INPP5A: variants seen among roughly 807,000 people sequenced by gnomAD.
INPP5A encodes the protein 43 kDa inositol polyphosphate 5-phophatase.
Under a neutral mutation model 65.2 loss-of-function variants are expected in INPP5A, and 14 were observed. That is an observed-to-expected ratio of 0.21 (90% CI 0.14 to 0.34). INPP5A has a LOEUF of 0.34. Ranked by LOEUF, INPP5A falls within the 10% of genes least tolerant of loss-of-function variation. INPP5A has a pLI of 1.00. For missense variants in INPP5A, 431 were observed against 545.6 expected, an observed-to-expected ratio of 0.79 and a Z score of 2.09; for synonymous variants, 207 against 208.3, an observed-to-expected ratio of 0.99 and a Z score of 0.05.
In INPP5A at chr10:132,560,372, C is replaced by T. The variant is rs956321022; in HGVS notation, c.75+22201C>T. Among the ~76,000 whole-genome samples the T allele has an allele frequency of 7.2e-5, 11 of 152,322 alleles. No homozygotes were observed. The South Asian group carries it at 1.9e-3, about 26-fold the overall frequency. ...TTTCCACAGCAGCTGCAGCATTTTTCGTTCTTGTGAGCAGTGTCTGAGGGC... is the reference window on the plus strand; with the variant it reads ...TTTCCACAGCAGCTGCAGCATTTTTTGTTCTTGTGAGCAGTGTCTGAGGGC... On this transcript the variant is annotated intron_variant, in intron 1 of 15. Coordinates refer to ENST00000368594, the MANE Select transcript of INPP5A (RefSeq NM_005539.5).
Position 132,749,861 on chromosome 10 carries a change from A to C in INPP5A, c.903+16A>C. On this transcript the variant is annotated intron_variant, in intron 11 of 15. Transcript: ENST00000368594. ...CGGCACCGCGGTGAGTTTGTGGTCCAATGTGGCAGCTCCCCCGTCCTGGGA... is the reference window on the plus strand; with the variant it reads ...CGGCACCGCGGTGAGTTTGTGGTCCCATGTGGCAGCTCCCCCGTCCTGGGA... The C allele has an allele frequency of 6.2e-7, 1 of 1,610,282 alleles. No homozygotes were observed. Among genetic ancestry groups the C allele is most frequent in the Non-Finnish European group, 8.5e-7 (1 of 1,177,438 alleles).
chr10:132,583,704 C>T (rs1418600750), intron 1 of INPP5A, among the ~76,000 whole-genome samples: 1 of 152,184 alleles, frequency 6.6e-6, no homozygotes, highest in African/African-American at 2.4e-5. Context: ...ATTTGGCTAA[C>T]TTGGTAAATT....
intron 1 of INPP5A, among the ~76,000 whole-genome samples, chr10:132,565,352 A>T (rs1299226943): frequency 6.6e-6 from 1 of 152,038 alleles, no homozygotes; most frequent in Non-Finnish European, 1.5e-5. Flanking sequence ...GTCACTTTTA[A>T]CCCCATAGTT....
At chr10:132,642,931 T>TGA in intron 2 of INPP5A, among the ~76,000 whole-genome samples, 1 of 152,314 alleles carries the variant, frequency 6.6e-6, no homozygotes, top group Middle Eastern at 3.4e-3. Context: ...TATGTGCTGT[T>TGA]GACGTAGCTG....
chr10:132,611,848 CCGTCAGAGGAGGG>C (rs2071958760), intron 2 of INPP5A, among the ~76,000 whole-genome samples: 1 of 140,082 alleles, frequency 7.1e-6, no homozygotes, highest in African/African-American at 2.7e-5. Flanking sequence ...GGGAGAGGCC[CCGTCAGAGGAGGG>C]TGTGGGAGGT....
chr10:132,548,966 A>C (rs183670699), intron 1 of INPP5A, among the ~76,000 whole-genome samples: 19 of 151,610 alleles, frequency 1.3e-4, no homozygotes, highest in Middle Eastern at 3.4e-3. Flanking sequence ...AGGCTTTTAC[A>C]ATTTTTTGTA....
At chr10:132,746,984 T>G (rs1385221651) in intron 9 of INPP5A, among the ~76,000 whole-genome samples, 1 of 152,204 alleles carries the variant, frequency 6.6e-6, no homozygotes, top group Non-Finnish European at 1.5e-5. Context: ...GGCCCCTTCC[T>G]GGGCTCTGGG....
chr10:132,699,489 C>T (rs894566950), intron 6 of INPP5A, among the ~76,000 whole-genome samples: 3 of 152,214 alleles, frequency 2.0e-5, no homozygotes, highest in Non-Finnish European at 4.4e-5. Flanking sequence ...ACCCATGTGG[C>T]TGCATTGCTG....
At chr10:132,685,137 G>A (rs780411549) in intron 4 of INPP5A, among the ~76,000 whole-genome samples, 2 of 152,338 alleles carry the variant, frequency 1.3e-5, no homozygotes, top group Non-Finnish European at 2.9e-5. Context: ...TGAGATGGGA[G>A]TCACCAAATG....
In INPP5A at chr10:132,551,848, G is replaced by A. The variant is rs563137379; in HGVS notation, c.75+13677G>A. 6.6e-6 allele frequency among the ~76,000 whole-genome samples: 1 copy of A among 152,342 alleles called. No individual in the cohort carries two copies. The highest frequency in any genetic ancestry group is 1.5e-5 in the Non-Finnish European group (1 of 68,032). ...CGGGGTCTTCTCTGAATAGTCGGCTGCACGATTAAACTGGGTTCTGCTCGG... is the reference window on the plus strand; with the variant it reads ...CGGGGTCTTCTCTGAATAGTCGGCTACACGATTAAACTGGGTTCTGCTCGG... On this transcript the variant is annotated intron_variant, in intron 1 of 15. Transcript: ENST00000368594. This position sits in a 1 kb window ranked among gnomAD's most constrained non-coding sequence, Gnocchi z 5.3.
Position 132,551,274 on chromosome 10 carries a change from C to T in INPP5A, c.75+13103C>T, listed in dbSNP as rs565889320. Among the ~76,000 whole-genome samples, 10 of 152,356 alleles carry T rather than the reference C, an allele frequency of 6.6e-5. No individual in the cohort carries two copies. In the South Asian group the frequency reaches 2.1e-3, roughly 32 times the overall value. On this transcript the variant is annotated intron_variant, in intron 1 of 15. Transcript: ENST00000368594. This position sits in a 1 kb window ranked among gnomAD's most constrained non-coding sequence, Gnocchi z 5.3. ...CTTCCTGTGGTCCCTGGCACTCTGA[C>T]CACATGGATGAGCCTGCGAGTGTGA...
chr10:132,742,681 A>C (rs990352980), intron 9 of INPP5A, among the ~76,000 whole-genome samples: 1 of 152,140 alleles, frequency 6.6e-6, no homozygotes, highest in African/African-American at 2.4e-5. Context: ...GTGCCTCCCG[A>C]TGAGTTCGGA....
intron 3 of INPP5A, among the ~76,000 whole-genome samples, chr10:132,647,336 C>T (rs1302401941): frequency 2.0e-5 from 3 of 151,966 alleles, no homozygotes; most frequent in African/African-American, 7.3e-5. Context: ...GCCAGGATGG[C>T]CTCAATCTCC....
intron 2 of INPP5A, among the ~76,000 whole-genome samples, chr10:132,643,516 A>G (rs2133387923): frequency 6.6e-6 from 1 of 152,350 alleles, no homozygotes; most frequent in African/African-American, 2.4e-5. Flanking sequence ...AATTAAATGA[A>G]ATAAAATTAA....
rs1273832123 is a variant in INPP5A at position 132,644,155 on chromosome 10, G to T, written c.118-1713G>T. 6.6e-6 allele frequency among the ~76,000 whole-genome samples: 1 copy of T among 152,212 alleles called. No individual in the cohort carries two copies. Among genetic ancestry groups the T allele is most frequent in the Admixed American group, 6.5e-5 (1 of 15,290 alleles). On this transcript the variant is annotated intron_variant, in intron 2 of 15. Coordinates refer to ENST00000368594, the MANE Select transcript of INPP5A (RefSeq NM_005539.5). This position sits in a 1 kb window ranked among gnomAD's most constrained non-coding sequence, Gnocchi z 6.5. ...GAACCACGTTGGGCCGTCTGTTAGG[G>T]AGAAGTGCACTGCCTGGGCCTGAAG...
intron 1 of INPP5A, among the ~76,000 whole-genome samples, chr10:132,584,568 A>G (rs953241754): frequency 6.6e-6 from 1 of 152,190 alleles, no homozygotes; most frequent in African/African-American, 2.4e-5. Flanking sequence ...ATGTTCACAT[A>G]TTCTCATATT....
chr10:132,767,461 C>T (rs1846868033), intron 12 of INPP5A, among the ~76,000 whole-genome samples: 1 of 152,192 alleles, frequency 6.6e-6, no homozygotes, highest in Admixed American at 6.5e-5. Context: ...TTGGAGGAGC[C>T]TCCAGAAGGC....
intron 1 of INPP5A, among the ~76,000 whole-genome samples, chr10:132,573,360 A>T (rs1484611443): frequency 6.6e-4 from 18 of 27,166 alleles, no homozygotes; most frequent in African/African-American, 1.4e-3. Context: ...GTTGATGTTG[A>T]GGTGTGTGTG....
chr10:132,652,742 A>C (rs923609439), intron 4 of INPP5A, among the ~76,000 whole-genome samples: 3 of 152,228 alleles, frequency 2.0e-5, no homozygotes, highest in Non-Finnish European at 2.9e-5. Flanking sequence ...TGTACCTTGT[A>C]AAACAGTCGT....
Sources: gnomAD v4.1 joint callset for allele counts (sites outside exome capture counted in the v4.1 genomes callset) on GRCh38, gnomAD v4.1.1 for gene constraint, Gnocchi (gnomAD v3.1) non-coding constraint, MANE v1.5 for transcripts, NCBI Gene and HGNC (gene_info 2026-07-23, HGNC 2026-07-21) for gene names.